CCSAP: variants seen among roughly 807,000 people sequenced by gnomAD.
CCSAP encodes centriole, cilia and spindle-associated protein.
In CCSAP, 17 loss-of-function variants were observed where a neutral mutation model predicts 25.9. The observed-to-expected ratio is 0.66, with a 90% confidence interval of 0.45 to 0.99. CCSAP has a LOEUF of 0.99. Among genes scored for constraint, CCSAP ranks in the 50% least tolerant of loss-of-function variants. The pLI, the probability that CCSAP is intolerant of heterozygous loss-of-function variation, is 0.00. For synonymous variants in CCSAP, 169 were observed against 157.1 expected (o/e 1.08, Z -0.57); for missense variants, 339 against 367.8 (o/e 0.92, Z 0.64).
intron 2 of CCSAP, among the ~76,000 whole-genome samples, chr1:229,328,802 C>T (rs887822070): frequency 2.0e-5 from 3 of 152,232 alleles, no homozygotes; most frequent in Non-Finnish European, 4.4e-5. Context: ...TCATCTGCCA[C>T]GTCTGCCTTC....
At position 229,321,325 on chromosome 1, in the gene CCSAP, C is replaced by T. The variant is rs1363711136; in HGVS notation, c.*3910G>A. On this transcript the variant is annotated 3_prime_UTR_variant, in exon 4 of 4. Coordinates refer to ENST00000284617, the MANE Select transcript of CCSAP (RefSeq NM_145257.5). ...ATGGAAATAATATTAAAAGAGCAAT[C>T]GATTTTTTTCCATCTCACACTAGTA... The T allele has an allele frequency of 6.6e-6, 1 of 152,084 alleles. No homozygotes were observed. Among genetic ancestry groups the T allele is most frequent in the Admixed American group, 6.5e-5 (1 of 15,272 alleles). The allele number at this position is 152,084 out of a possible 1,614,324, so 9.4% of individuals were successfully genotyped here. A position where few individuals can be genotyped will look rare whatever the true frequency, so the allele number is the denominator to read the frequency against.
Position 229,342,385 on chromosome 1 carries a change from G to A in CCSAP, c.81C>T (p.Tyr27=). The A allele has an allele frequency of 1.3e-6, 2 of 1,505,212 alleles. No homozygotes were observed. Among genetic ancestry groups the A allele is most frequent in the Non-Finnish European group, 1.8e-6 (2 of 1,124,668 alleles). 93.2% of individuals were successfully genotyped at this position (1,505,212 alleles called of 1,614,324 possible). Residue 27 remains tyrosine, a synonymous_variant, in exon 2 of 4, where the codon TAC becomes TAT. Coordinates refer to ENST00000284617, the MANE Select transcript of CCSAP (RefSeq NM_145257.5). The surrounding 1 kb of genome is among the most constrained non-coding windows in gnomAD (Gnocchi z 7.5). ...EPRWEEYGPC[Y]RELLHYRLGR... ...CTAGGCGGTAGTGCAGCAGCTCGCG[G>A]TAGCACGGCCCGTACTCCTCCCAGC...
intron 2 of CCSAP, among the ~76,000 whole-genome samples, chr1:229,328,988 G>A (rs943574235): frequency 6.6e-6 from 1 of 152,182 alleles, no homozygotes; most frequent in East Asian, 1.9e-4. Flanking sequence ...TTCATGAGAC[G>A]ATATCCATTC....
chr1:229,333,294 G>A (rs967455614), intron 2 of CCSAP, among the ~76,000 whole-genome samples: 10 of 152,112 alleles, frequency 6.6e-5, no homozygotes, highest in East Asian at 5.8e-4. Context: ...TTAGCCGGGC[G>A]TGGTGTCAGG....
chr1:229,327,437 C>T, intron 2 of CCSAP: 2 of 434,004 alleles, frequency 4.6e-6, no homozygotes, highest in South Asian at 3.2e-5. Context: ...GTTACTCCAC[C>T]CGAAAATGCT....
Position 229,321,045 on chromosome 1 carries a change from C to A in CCSAP, c.*4190G>T, listed in dbSNP as rs926725158. On this transcript the variant is annotated 3_prime_UTR_variant, in exon 4 of 4. Coordinates refer to ENST00000284617, the MANE Select transcript of CCSAP (RefSeq NM_145257.5). ...TTAATTAACTTTATTCACATTTTTC[C>A]AAGTAAATACAATATTAACTATAAG... The A allele has an allele frequency of 6.6e-6, 1 of 152,086 alleles. No homozygotes were observed. Among genetic ancestry groups the A allele is most frequent in the African/African-American group, 2.4e-5 (1 of 41,398 alleles). The allele number at this position is 152,086 out of a possible 1,614,324, so 9.4% of individuals were successfully genotyped here. A position where few individuals can be genotyped will look rare whatever the true frequency, so the allele number is the denominator to read the frequency against.
intron 2 of CCSAP, among the ~76,000 whole-genome samples, chr1:229,328,708 T>G (rs1658002443): frequency 6.6e-6 from 1 of 152,244 alleles, no homozygotes; most frequent in African/African-American, 2.4e-5. Flanking sequence ...CTCTTGTCTA[T>G]TTCTACTTCC....
At chr1:229,325,476 T>G in intron 3 of CCSAP, 65 bp from the exon 4 acceptor site, 1 of 1,498,860 alleles carries the variant, frequency 6.7e-7, no homozygotes, top group African/African-American at 1.4e-5. Context: ...TCAACAGAGG[T>G]TGCAATGAAG....
intron 2 of CCSAP, among the ~76,000 whole-genome samples, chr1:229,330,880 CAG>C (rs1317664258): frequency 1.3e-5 from 2 of 148,996 alleles, no homozygotes; most frequent in Non-Finnish European, 3.0e-5. Flanking sequence ...CCAAAAATTA[CAG>C]AGAGATTGGT....
chr1:229,337,682 T>TA (rs1558252347), intron 2 of CCSAP, among the ~76,000 whole-genome samples: 1 of 42,130 alleles, frequency 2.4e-5, no homozygotes, highest in African/African-American at 8.6e-5. Flanking sequence ...AAAAAAAATA[T>TA]ATATATATAT....
At chr1:229,325,460 T>G in intron 3 of CCSAP, 49 bp from the exon 4 acceptor site, 2 of 1,556,384 alleles carry the variant, frequency 1.3e-6, no homozygotes, top group Non-Finnish European at 1.7e-6. Context: ...GCTATTATAC[T>G]AATGTTCAAC....
chr1:229,336,328 G>A (rs538514261), intron 2 of CCSAP, among the ~76,000 whole-genome samples: 2 of 152,006 alleles, frequency 1.3e-5, no homozygotes, highest in East Asian at 3.9e-4. Flanking sequence ...AGAAGCAGGG[G>A]AGGCTTGGAC....
Position 229,342,451 on chromosome 1 carries a change from G to A in CCSAP, c.15C>T (p.Ser5=). 5 of 1,372,126 alleles carry A rather than the reference G, an allele frequency of 3.6e-6. No individual in the cohort carries two copies. The highest frequency in any genetic ancestry group is 2.0e-5 in the South Asian group (1 of 51,034). 85.0% of individuals were successfully genotyped at this position (1,372,126 alleles called of 1,614,324 possible). The change falls in exon 2 of 4, where the codon AGC becomes AGT. Residue 5 remains serine, a synonymous_variant. Coordinates refer to ENST00000284617, the MANE Select transcript of CCSAP (RefSeq NM_145257.5). This position sits in a 1 kb window ranked among gnomAD's most constrained non-coding sequence, Gnocchi z 7.5. The part of the protein sequence containing the change: MSPG[S]GVKSEYMKRY... ...GCTTCATGTACTCGCTCTTCACCCCGCTCCCCGGGGACATGGTGCCGTCCG... is the reference window on the plus strand; with the variant it reads ...GCTTCATGTACTCGCTCTTCACCCCACTCCCCGGGGACATGGTGCCGTCCG...
intron 2 of CCSAP, among the ~76,000 whole-genome samples, chr1:229,336,311 G>A (rs776914716): frequency 1.3e-5 from 2 of 151,916 alleles, no homozygotes; most frequent in South Asian, 4.2e-4. Flanking sequence ...TTTCAGTCTT[G>A]AGCGGCAGAA....
At position 229,337,279 on chromosome 1, in the gene CCSAP, T is replaced by TG. The variant is rs1558252201; in HGVS notation, c.367+4819_367+4820insC. ...TCCAACAAAACAACAAAAACAAACA[T>TG]AGGGGGGTCACACACACAAAGCAGG... On this transcript the variant is annotated intron_variant, in intron 2 of 3. Transcript: ENST00000284617. 2.0e-4 allele frequency among the ~76,000 whole-genome samples: 30 copies of TG among 146,828 alleles called. No homozygotes were observed. The South Asian group carries it at 3.4e-3, about 16-fold the overall frequency.
In CCSAP at chr1:229,323,484, A is replaced by G. The variant is rs1457516303; in HGVS notation, c.*1751T>C. On this transcript the variant is annotated 3_prime_UTR_variant, in exon 4 of 4. Transcript: ENST00000284617. ...CGACTTTAAAGGAACAGTTTTCACA[A>G]TCAGCTAGCTACACCATCACAAATT... 6.6e-6 allele frequency: 1 copy of G among 152,244 alleles called. No homozygotes were observed. Among genetic ancestry groups the G allele is most frequent in the Non-Finnish European group, 1.5e-5 (1 of 68,054 alleles). 9.4% of individuals were successfully genotyped at this position (152,244 alleles called of 1,614,324 possible). A position where few individuals can be genotyped will look rare whatever the true frequency, so the allele number is the denominator to read the frequency against.
At chr1:229,335,777 T>C (rs74912937) in intron 2 of CCSAP, among the ~76,000 whole-genome samples, 2,873 of 152,238 alleles carry the variant, frequency 0.019, 92 homozygotes, top group South Asian at 0.088. Flanking sequence ...CAGTACAGGC[T>C]GCAGACAAGG....
intron 2 of CCSAP, among the ~76,000 whole-genome samples, chr1:229,333,161 G>A (rs760031484): frequency 5.3e-5 from 8 of 152,204 alleles, no homozygotes; most frequent in East Asian, 3.9e-4. Flanking sequence ...GGCCGGGCGC[G>A]GTGGCTCACG....
At chr1:229,327,227 C>G (rs1657961559) in intron 2 of CCSAP, 1 of 427,670 alleles carries the variant, frequency 2.3e-6, no homozygotes. Flanking sequence ...AAGATTGAAC[C>G]AAGCTTATTC....
Sources: allele counts gnomAD v4.1 joint callset (sites outside exome capture counted in the v4.1 genomes callset), GRCh38; gene constraint gnomAD v4.1.1; non-coding constraint Gnocchi (gnomAD v3.1); transcripts MANE v1.5; gene names NCBI Gene and HGNC (gene_info 2026-07-23, HGNC 2026-07-21).